The following EBF1 variants were observed in gnomAD, a reference collection of about 807,000 sequenced individuals.
EBF1 encodes the protein EBF transcription factor 1.
A neutral mutation model predicts 68.4 loss-of-function variants in EBF1; 10 were observed. The ratio of observed to expected loss-of-function variants is 0.15; its 90% CI spans 0.09 to 0.25. The LOEUF (loss-of-function observed/expected upper bound fraction) is 0.25. Among genes scored for constraint, EBF1 ranks in the 10% least tolerant of loss-of-function variants. EBF1 has a pLI of 1.00. For missense variants in EBF1, 509 were observed against 794.4 expected (o/e 0.64, Z 4.32); for synonymous variants, 298 against 299.8 (o/e 0.99, Z 0.06).
chr5:158,845,719 AG>A (rs1396210507), intron 6 of EBF1, among the ~76,000 whole-genome samples: 9 of 137,082 alleles, frequency 6.6e-5, no homozygotes, highest in East Asian at 4.4e-4. Context: ...AAAAAAAAAA[AG>A]AAGAAGAAAT....
intron 6 of EBF1, among the ~76,000 whole-genome samples, chr5:158,904,325 C>A (rs967569340): frequency 5.9e-5 from 9 of 152,194 alleles, no homozygotes; most frequent in Admixed American, 5.2e-4. Context: ...CAGCAAGTTC[C>A]CAGCCACGTG....
chr5:159,077,372 G>C (rs1157530274), intron 5 of EBF1, among the ~76,000 whole-genome samples: 1 of 152,160 alleles, frequency 6.6e-6, no homozygotes, highest in Non-Finnish European at 1.5e-5. Context: ...CCGGGAAACG[G>C]AGGTTACAGT....
chr5:158,811,456 T>C (rs539037959), intron 8 of EBF1, among the ~76,000 whole-genome samples: 2 of 152,224 alleles, frequency 1.3e-5, no homozygotes, highest in East Asian at 3.9e-4. Context: ...TACTTGGAGA[T>C]TCAAAAGCTG....
At chr5:159,097,919 A>C (rs1165989978) in intron 1 of EBF1, among the ~76,000 whole-genome samples, 1 of 152,040 alleles carries the variant, frequency 6.6e-6, no homozygotes, top group African/African-American at 2.4e-5. Context: ...TGCCCAACAC[A>C]AGCGCGCACA....
At chr5:158,840,661 TTTTTTTTTTTTG>T (rs1562086391) in intron 6 of EBF1, among the ~76,000 whole-genome samples, 2,730 of 87,046 alleles carry the variant, frequency 0.031, 393 homozygotes, top group Non-Finnish European at 0.045. Context: ...TTTTTTTTTT[TTTTTTTTTTTTG>T]TTTTTTTTTT....
chr5:158,698,761 T>C lies in EBF1; in HGVS notation c.*350A>G. 4.2e-6 allele frequency: 1 copy of C among 238,708 alleles called. No individual in the cohort carries two copies. Among genetic ancestry groups the C allele is most frequent in the Non-Finnish European group, 8.1e-6 (1 of 123,278 alleles). The allele number at this position is 238,708 out of a possible 1,614,324, so 14.8% of individuals were successfully genotyped here. A position where few individuals can be genotyped will look rare whatever the true frequency, so the allele number is the denominator to read the frequency against. On this transcript the variant is annotated 3_prime_UTR_variant, in exon 16 of 16. Coordinates refer to ENST00000313708, the MANE Select transcript of EBF1 (RefSeq NM_024007.5). Reference sequence around the variant, plus strand: ...AAATTAAAACATGGAGTCTTATTTATAGTGTCCCTTGTATAGAGCTTTACG... The same window carrying C: ...AAATTAAAACATGGAGTCTTATTTACAGTGTCCCTTGTATAGAGCTTTACG...
rs1429076726 is a variant in EBF1, at chr5:158,855,232, AT to A, written c.555-15123del. 3.9e-5 allele frequency among the ~76,000 whole-genome samples: 6 copies of A among 152,366 alleles called. No homozygotes were observed. The South Asian group carries it at 6.2e-4, about 16-fold the overall frequency. On this transcript the variant is annotated intron_variant, in intron 6 of 15. Transcript: ENST00000313708. ...TAGGCAATAATTTTCCACTAAATCA[AT>A]AACAATTTTTTAAAAACAGGCTATA...
chr5:159,002,157 CT>C (rs201178368), intron 6 of EBF1, among the ~76,000 whole-genome samples: 33,687 of 133,550 alleles, frequency 0.25, 3,901 homozygotes, highest in African/African-American at 0.34. Context: ...TCCCCCAAGC[CT>C]TTTTTTTTTT....
chr5:158,844,672 T>C (rs17056301), intron 6 of EBF1, among the ~76,000 whole-genome samples: 31,263 of 152,166 alleles, frequency 0.21, 4,198 homozygotes, highest in South Asian at 0.5. Flanking sequence ...CCCAACATAA[T>C]ATTAGCTTCT....
intron 6 of EBF1, among the ~76,000 whole-genome samples, chr5:159,022,839 A>T (rs1366993738): frequency 6.6e-6 from 1 of 152,234 alleles, no homozygotes; most frequent in Admixed American, 6.5e-5. Flanking sequence ...AAAAAAAGAA[A>T]AAATGCAAGA....
At chr5:159,008,726 A>G (rs553889819) in intron 6 of EBF1, among the ~76,000 whole-genome samples, 21 of 152,004 alleles carry the variant, frequency 1.4e-4, no homozygotes, top group African/African-American at 5.1e-4. Context: ...TAGTAGAGAC[A>G]AGGTTTCACC....
At chr5:159,004,025 C>T (rs1407917471) in intron 6 of EBF1, among the ~76,000 whole-genome samples, 1 of 152,128 alleles carries the variant, frequency 6.6e-6, no homozygotes, top group Admixed American at 6.5e-5. Flanking sequence ...AGCTGAAATC[C>T]CAGCACATTG....
At chr5:158,808,825 AC>A (rs1782071482) in intron 8 of EBF1, among the ~76,000 whole-genome samples, 1 of 152,138 alleles carries the variant, frequency 6.6e-6, no homozygotes, top group Admixed American at 6.6e-5. Flanking sequence ...CTGTCTCCAA[AC>A]ATCCTTTGCA....
chr5:158,799,204 G>A (rs1369035515), intron 8 of EBF1, among the ~76,000 whole-genome samples: 1 of 152,104 alleles, frequency 6.6e-6, no homozygotes, highest in Non-Finnish European at 1.5e-5. Context: ...AAGGTGAAAG[G>A]ATCTCTTGTG....
intron 6 of EBF1, among the ~76,000 whole-genome samples, chr5:158,841,920 T>C (rs1241569216): frequency 2.0e-5 from 3 of 152,222 alleles, no homozygotes; most frequent in Non-Finnish European, 4.4e-5. Flanking sequence ...TGCCCATCAA[T>C]GAAAGCAGGC....
At chr5:159,084,994 C>T (rs1056855492) in intron 4 of EBF1, among the ~76,000 whole-genome samples, 1 of 152,112 alleles carries the variant, frequency 6.6e-6, no homozygotes, top group South Asian at 2.1e-4. Context: ...GGCAAGACAG[C>T]CACAATTCTC....
chr5:158,764,408 T>C (rs535585351), intron 10 of EBF1, among the ~76,000 whole-genome samples: 1 of 152,326 alleles, frequency 6.6e-6, no homozygotes, highest in South Asian at 2.1e-4. Context: ...CTAGATTATC[T>C]TGAAGACTCA....
chr5:159,097,030 C>T lies in EBF1; in HGVS notation c.235G>A (p.Gly79Ser). Residue 79 changes from glycine (G) to serine (S), a missense_variant, in exon 2 of 16, where the codon GGC (glycine) becomes AGC (serine). Gly to Ser is a moderately conservative substitution (Grantham distance 56). Around this residue, in one of 3 missense-constraint regions of EBF1, gnomAD observed 230 missense variants for 467.7 expected, o/e 0.49. Coordinates refer to ENST00000313708, the MANE Select transcript of EBF1 (RefSeq NM_024007.5). ...GTCCTCTCGATCTCCACGGGCTGGC[C>T]CTGTCTGTCGTAGAGGGCCAGGACG... ...HFVLALYDRQ[G>S]QPVEIERTAF... The T allele has an allele frequency of 6.2e-7, 1 of 1,614,064 alleles. No homozygotes were observed. The highest frequency in any genetic ancestry group is 8.5e-7 in the Non-Finnish European group (1 of 1,179,982).
chr5:158,953,092 C>T (rs1430135321), intron 6 of EBF1, among the ~76,000 whole-genome samples: 3 of 151,888 alleles, frequency 2.0e-5, no homozygotes, highest in Admixed American at 2.0e-4. Context: ...ACATACATCA[C>T]TAGTAAGACA....
Sources: gnomAD v4.1 joint callset for allele counts (sites outside exome capture counted in the v4.1 genomes callset) on GRCh38, gnomAD v4.1.1 for gene constraint, gnomAD v4.1.1 regional missense constraint, MANE v1.5 for transcripts, NCBI Gene and HGNC (gene_info 2026-07-23, HGNC 2026-07-21) for gene names.